RFX1: variants seen among roughly 807,000 people sequenced by gnomAD.
The protein encoded by RFX1 is regulatory factor X1.
Under a neutral mutation model 119.6 loss-of-function variants are expected in RFX1, and 42 were observed. The observed-to-expected ratio is 0.35, with a 90% confidence interval of 0.27 to 0.45. RFX1 has a LOEUF of 0.45. RFX1 is among the 20% of genes least tolerant of loss of function. The pLI is 1.00. For missense variants in RFX1, 1,118 were observed against 1,368.1 expected, an observed-to-expected ratio of 0.82 and a Z score of 2.88; for synonymous variants, 628 against 618.5, an observed-to-expected ratio of 1.02 and a Z score of -0.23.
At chr19:13,973,206 G>GA in intron 8 of RFX1, 79 bp from the exon 9 acceptor site, 1 of 961,522 alleles carries the variant, frequency 1.0e-6, no homozygotes. Flanking sequence ...GCAGGAAGGG[G>GA]GGTCCTAGGA....
chr19:13,994,810 G>A (rs1974936855), intron 1 of RFX1, among the ~76,000 whole-genome samples: 1 of 125,038 alleles, frequency 8.0e-6, no homozygotes, highest in Non-Finnish European at 1.7e-5. Context: ...TACATATATA[G>A]TATATATATA....
chr19:14,003,625 A>G (rs896606301), intron 1 of RFX1, among the ~76,000 whole-genome samples: 1 of 152,174 alleles, frequency 6.6e-6, no homozygotes, highest in Non-Finnish European at 1.5e-5. Context: ...TTGATATTCA[A>G]CAGGTATTAT....
chr19:13,974,753 C>T (rs1485626991), intron 8 of RFX1, among the ~76,000 whole-genome samples: 3 of 152,164 alleles, frequency 2.0e-5, no homozygotes, highest in Non-Finnish European at 4.4e-5. Flanking sequence ...TGATTAAAAA[C>T]ATAGCATTAG....
At chr19:13,998,679 T>C (rs928874162) in intron 1 of RFX1, among the ~76,000 whole-genome samples, 1 of 152,144 alleles carries the variant, frequency 6.6e-6, no homozygotes, top group Admixed American at 6.6e-5. Context: ...AGCAACATCA[T>C]GCAGATTCCT....
At chr19:13,993,221 G>T (rs1049461744) in intron 2 of RFX1, among the ~76,000 whole-genome samples, 36 of 152,174 alleles carry the variant, frequency 2.4e-4, no homozygotes, top group Non-Finnish European at 3.4e-4. Flanking sequence ...CTTGAGCCTG[G>T]AGGGTTGAGG....
At chr19:13,981,258 T>C (rs1974422523) in intron 5 of RFX1, among the ~76,000 whole-genome samples, 1 of 152,158 alleles carries the variant, frequency 6.6e-6, no homozygotes. Flanking sequence ...TGAGGGGTGG[T>C]TGATACCATC....
rs1974392283 is a variant in RFX1, at chr19:13,980,472, T to C, written c.738+101A>G. On this transcript the variant is annotated intron_variant, in intron 6 of 20. Coordinates refer to ENST00000254325, the MANE Select transcript of RFX1 (RefSeq NM_002918.5). The surrounding 1 kb of genome is among the most constrained non-coding windows in gnomAD (Gnocchi z 5.1). ...GTGGCAGGCTGGGGCTGGACCCACA[T>C]GGGCTGGGCTCTAATAGGCCAGAGG... is the stretch of plus-strand genomic sequence containing the variant. 1.4e-6 allele frequency: 1 copy of C among 691,644 alleles called. No homozygotes were observed. The highest frequency in any genetic ancestry group is 2.4e-6 in the Non-Finnish European group (1 of 413,044). 42.8% of individuals were successfully genotyped at this position (691,644 alleles called of 1,614,324 possible).
chr19:13,998,429 A>C (rs1975108024), intron 1 of RFX1: 1 of 152,164 alleles, frequency 6.6e-6, no homozygotes, highest in Non-Finnish European at 1.5e-5. Flanking sequence ...GGGTGCAGTG[A>C]GCAGAGATCA....
chr19:13,982,554 A>T (rs1280785586), intron 4 of RFX1, among the ~76,000 whole-genome samples: 1 of 152,188 alleles, frequency 6.6e-6, no homozygotes, highest in African/African-American at 2.4e-5. Context: ...CTGTAATCCC[A>T]GCACTTTGGG....
chr19:13,993,445 C>T (rs541367040), intron 2 of RFX1, 80 bp downstream of exon 2: 1 of 1,401,142 alleles, frequency 7.1e-7, no homozygotes, highest in South Asian at 1.3e-5. Context: ...GCATGGCAGC[C>T]CTGTGCCTTC....
intron 1 of RFX1, among the ~76,000 whole-genome samples, 197 bp from the exon 2 acceptor site, chr19:13,994,092 C>T (rs558452479): frequency 6.6e-6 from 1 of 152,110 alleles, no homozygotes; most frequent in African/African-American, 2.4e-5. Flanking sequence ...GGGGGACCAG[C>T]TGTAGACCAG....
At chr19:13,991,186 G>A (rs1431545318) in intron 2 of RFX1, among the ~76,000 whole-genome samples, 1 of 152,172 alleles carries the variant, frequency 6.6e-6, no homozygotes, top group East Asian at 1.9e-4. Context: ...GGCAGGAGAA[G>A]GGGTCCCTGT....
chr19:13,963,501 C>G, intron 18 of RFX1, 37 bp downstream of exon 18: 1 of 1,553,292 alleles, frequency 6.4e-7, no homozygotes, highest in South Asian at 1.2e-5. Flanking sequence ...GGGGCCTTCC[C>G]TGGTGCCGCC....
At position 13,987,175 on chromosome 19, in the gene RFX1, C is replaced by T. The variant is rs148438729; in HGVS notation, c.320-3580G>A. The stretch of plus-strand genomic sequence containing the variant: ...GGCCCCTGTTCCCTGCAGGCCGGCT[C>T]GGTTTCACCTTCCCAGGAGTGGCTG... On this transcript the variant is annotated intron_variant, in intron 2 of 20. Coordinates refer to ENST00000254325, the MANE Select transcript of RFX1 (RefSeq NM_002918.5). Among the ~76,000 whole-genome samples the T allele has an allele frequency of 6.1e-3, 930 of 152,310 alleles. 4 individuals carry two copies. Among genetic ancestry groups the T allele is most frequent in the Non-Finnish European group, 0.011 (721 of 68,006 alleles).
In RFX1 at chr19:13,988,129, C is replaced by T. The variant is rs1001455656; in HGVS notation, c.320-4534G>A. Among the ~76,000 whole-genome samples, 8 of 151,394 alleles carry T rather than the reference C, an allele frequency of 5.3e-5. No homozygotes were observed. In the East Asian group the frequency reaches 9.7e-4, roughly 18 times the overall value. On this transcript the variant is annotated intron_variant, in intron 2 of 20. Coordinates refer to ENST00000254325, the MANE Select transcript of RFX1 (RefSeq NM_002918.5). ...GCAACCTCCACCTCCCAGGTTCGAG[C>T]GATTCTCCTGCCCCAGCCTCCCCAG...
rs200524505 is a variant in RFX1, at chr19:13,963,117, C to A, written c.2724+5G>T. ...CCCGCGCCCCCAGTGGCCCGCCTCGCGCACCTCGCCCATGACGGCGATGGG... is the reference window on the plus strand; with the variant it reads ...CCCGCGCCCCCAGTGGCCCGCCTCGAGCACCTCGCCCATGACGGCGATGGG... On this transcript the variant is annotated splice_donor_5th_base_variant and intron_variant, in intron 19 of 20. Transcript: ENST00000254325. 6.2e-7 allele frequency: 1 copy of A among 1,610,676 alleles called. No homozygotes were observed. Among genetic ancestry groups the A allele is most frequent in the South Asian group, 1.1e-5 (1 of 91,014 alleles).
Position 13,965,630 on chromosome 19 carries a change from G to A in RFX1, c.2109C>T (p.Ile703=), listed in dbSNP as rs1377345046. Residue 703 remains isoleucine (I), a synonymous_variant, in exon 15 of 21, where the codon ATC becomes ATT. Coordinates refer to ENST00000254325, the MANE Select transcript of RFX1 (RefSeq NM_002918.5). The surrounding 1 kb of genome is among the most constrained non-coding windows in gnomAD (Gnocchi z 4.7). ...EILIPDVLRP[I]PSALTQAIRN... ...CCGAGCAGGCCGAGCACTCACTGGG[G>A]ATGGGCCGCAGCACGTCGGGAATGA... 2.5e-6 allele frequency: 4 copies of A among 1,613,434 alleles called. No homozygotes were observed. Among genetic ancestry groups the A allele is most frequent in the Non-Finnish European group, 3.4e-6 (4 of 1,179,840 alleles).
Position 13,962,797 on chromosome 19 carries a change from G to A in RFX1, c.2838C>T (p.Gly946=), listed in dbSNP as rs952633714. 3.9e-6 allele frequency: 6 copies of A among 1,528,614 alleles called. No homozygotes were observed. The highest frequency in any genetic ancestry group is 4.0e-5 in the Admixed American group (2 of 49,860). 94.7% of individuals were successfully genotyped at this position (1,528,614 alleles called of 1,614,324 possible). ...ELPQDISLAA[G]GESPALGPET... is the part of the protein sequence containing the mutation. ...CCGGGCCCAGCGCGGGTGACTCGCC[G>A]CCAGCCGCCAGTGAGATGTCCTGCG... Residue 946 remains glycine, a synonymous_variant, in exon 21 of 21, where the codon GGC becomes GGT. Coordinates refer to ENST00000254325, the MANE Select transcript of RFX1 (RefSeq NM_002918.5).
chr19:13,967,475 C>A (rs1973941493), intron 12 of RFX1, among the ~76,000 whole-genome samples: 1 of 151,722 alleles, frequency 6.6e-6, no homozygotes, highest in Non-Finnish European at 1.5e-5. Context: ...CTGCACCCGG[C>A]CTTTTTTATT....
Sources: gnomAD v4.1 joint callset for allele counts (sites outside exome capture counted in the v4.1 genomes callset) on GRCh38, gnomAD v4.1.1 for gene constraint, Gnocchi (gnomAD v3.1) non-coding constraint, MANE v1.5 for transcripts, NCBI Gene and HGNC (gene_info 2026-07-23, HGNC 2026-07-21) for gene names.